SOX6: variants seen among roughly 807,000 people sequenced by gnomAD.
SOX6 encodes SRY-box transcription factor 6, also known as transcription factor SOX-6.
SOX6 carries 11 observed loss-of-function variants against 97.8 expected under a neutral mutation model. The observed-to-expected ratio is 0.11, with a 90% CI of 0.07 to 0.19. The LOEUF is 0.19. Ranked by LOEUF, SOX6 falls within the 10% of genes least tolerant of loss-of-function variation. The pLI is 1.00. For synonymous variants in SOX6, 360 were observed against 371.4 expected (o/e 0.97, Z 0.35); for missense variants, 810 against 1,039.5 (o/e 0.78, Z 3.04).
rs7114949 is a variant in SOX6, at chr11:16,611,156, T to A, written n.609+925A>T. 8.0e-3 allele frequency among the ~76,000 whole-genome samples: 1,218 copies of A among 152,326 alleles called. 16 individuals are homozygous for A. The highest frequency in any genetic ancestry group is 0.027 in the African/African-American group (1,138 of 41,566). On this transcript the variant is annotated intron_variant and non_coding_transcript_variant, in intron 4 of 5. Transcript: ENST00000524520. ...GCACCTCCAGAGAAGAGGCGCGAAC[T>A]CGCAAAAGGAAAGGCGCGCACGGTT...
chr11:16,676,736 A>C (rs940832773), intron 3 of SOX6, among the ~76,000 whole-genome samples: 1 of 152,226 alleles, frequency 6.6e-6, no homozygotes, highest in African/African-American at 2.4e-5. Flanking sequence ...CAACAACAAC[A>C]ACAACAAAAA....
intron 7 of SOX6, among the ~76,000 whole-genome samples, chr11:16,110,660 GT>G (rs1219863437): frequency 2.0e-5 from 3 of 152,086 alleles, no homozygotes; most frequent in African/African-American, 7.2e-5. Context: ...AATCATTCGT[GT>G]TTTGCCACAG....
intron 2 of SOX6, among the ~76,000 whole-genome samples, chr11:16,330,525 C>T (rs1287364463): frequency 2.6e-5 from 4 of 152,160 alleles, no homozygotes; most frequent in Non-Finnish European, 5.9e-5. Flanking sequence ...CCACTGCACT[C>T]CAGCCTGGGC....
At chr11:16,188,663 A>T (rs572193045) in intron 4 of SOX6, among the ~76,000 whole-genome samples, 2 of 152,290 alleles carry the variant, frequency 1.3e-5, no homozygotes, top group African/African-American at 2.4e-5. Flanking sequence ...TTCAATAAAC[A>T]TTTTCTGAAT....
At chr11:16,343,761 G>C (rs572182517) in intron 1 of SOX6, among the ~76,000 whole-genome samples, 2 of 151,876 alleles carry the variant, frequency 1.3e-5, no homozygotes, top group Non-Finnish European at 2.9e-5. Flanking sequence ...GTGAGGAAAG[G>C]CTTCACCTCT....
chr11:16,737,151 C>T (rs1396667339), intron 1 of SOX6, among the ~76,000 whole-genome samples: 2 of 152,172 alleles, frequency 1.3e-5, no homozygotes, highest in African/African-American at 4.8e-5. Flanking sequence ...CATTGTTTCA[C>T]AGACTGCTCT....
At chr11:16,248,365 G>T (rs2882811) in intron 3 of SOX6, among the ~76,000 whole-genome samples, 9 of 152,100 alleles carry the variant, frequency 5.9e-5, no homozygotes, top group African/African-American at 1.4e-4. Context: ...CTCTGTGTAG[G>T]GGTTCCAATC....
intron 2 of SOX6, among the ~76,000 whole-genome samples, chr11:16,328,626 T>C (rs896072597): frequency 2.0e-5 from 3 of 152,182 alleles, no homozygotes; most frequent in Non-Finnish European, 4.4e-5. Context: ...ACAGACAATA[T>C]ATGTAACATT....
chr11:16,609,488 T>C (rs982004921), intron 4 of SOX6, among the ~76,000 whole-genome samples: 3 of 152,162 alleles, frequency 2.0e-5, no homozygotes, highest in African/African-American at 7.2e-5. Context: ...GGAATGCTGA[T>C]TGGAGAAATC....
intron 3 of SOX6, among the ~76,000 whole-genome samples, chr11:16,254,321 A>G (rs1391365659): frequency 6.6e-6 from 1 of 152,122 alleles, no homozygotes; most frequent in Non-Finnish European, 1.5e-5. Context: ...TGATCTAGAG[A>G]TAAGTTTGTT....
chr11:16,214,195 T>C (rs534203144), intron 4 of SOX6, among the ~76,000 whole-genome samples: 1 of 152,322 alleles, frequency 6.6e-6, no homozygotes, highest in South Asian at 2.1e-4. Flanking sequence ...AGCTTCAGTA[T>C]TGGGCAACAC....
At chr11:16,674,189 C>CAAAACA (rs1303883701) in intron 3 of SOX6, among the ~76,000 whole-genome samples, 1 of 76,326 alleles carries the variant, frequency 1.3e-5, no homozygotes, top group Non-Finnish European at 2.3e-5. Context: ...GACTCCATCT[C>CAAAACA]AAAAAAAAAA....
chr11:16,374,016 G>A (rs1036133939), intron 1 of SOX6, among the ~76,000 whole-genome samples: 3 of 151,996 alleles, frequency 2.0e-5, no homozygotes, highest in Admixed American at 6.6e-5. Flanking sequence ...ACTCAAGGCT[G>A]TACATCATTG....
chr11:16,254,525 G>T (rs183328437), intron 3 of SOX6, among the ~76,000 whole-genome samples: 1 of 152,162 alleles, frequency 6.6e-6, no homozygotes, highest in Non-Finnish European at 1.5e-5. Context: ...TGAGGTACCT[G>T]CACACCTTGT....
intron 7 of SOX6, among the ~76,000 whole-genome samples, chr11:16,106,093 G>A (rs1315802386): frequency 1.3e-5 from 2 of 152,036 alleles, no homozygotes; most frequent in Non-Finnish European, 2.9e-5. Context: ...CTCATGGGTA[G>A]GAAGATTTAA....
upstream of SOX6, among the ~76,000 whole-genome samples, chr11:16,360,415 A>G (rs914791108): frequency 6.6e-5 from 10 of 152,172 alleles, no homozygotes; most frequent in African/African-American, 1.9e-4. Flanking sequence ...TTAGTTCACC[A>G]TTGCATTCCT....
At chr11:16,664,681 G>A (rs574157648) in intron 3 of SOX6, among the ~76,000 whole-genome samples, 224 of 152,098 alleles carry the variant, frequency 1.5e-3, no homozygotes, top group Non-Finnish European at 2.5e-3. Flanking sequence ...CAGTGGACTC[G>A]GCGGGGCACA....
chr11:16,134,003 A>G (rs1849889914), intron 6 of SOX6, among the ~76,000 whole-genome samples: 1 of 152,198 alleles, frequency 6.6e-6, no homozygotes, highest in Admixed American at 6.5e-5. Context: ...GTTTTAAGCC[A>G]CTATGGTAAT....
chr11:16,583,606 T>C (rs1484006731), intron 4 of SOX6, among the ~76,000 whole-genome samples: 2 of 80,552 alleles, frequency 2.5e-5, no homozygotes, highest in Non-Finnish European at 5.0e-5. Flanking sequence ...TATATGTGTA[T>C]ATATATACAT....
Sources: gnomAD v4.1 joint callset for allele counts (sites outside exome capture counted in the v4.1 genomes callset) on GRCh38, gnomAD v4.1.1 for gene constraint, MANE v1.5 for transcripts, NCBI Gene and HGNC (gene_info 2026-07-23, HGNC 2026-07-21) for gene names.